The following BICDL2 variants were observed in gnomAD, a reference collection of about 807,000 sequenced individuals.
BICDL2 encodes BICD family like cargo adaptor 2.
A neutral mutation model predicts 56.6 loss-of-function variants in BICDL2; 62 were observed. The observed-to-expected ratio is 1.10, with a 90% CI of 0.89 to 1.35. The LOEUF is 1.35. Ranked by LOEUF, BICDL2 falls within the 40% of genes most tolerant of loss-of-function variation. BICDL2 has a pLI of 0.00. For missense variants in BICDL2, 808 were observed against 684.5 expected (o/e 1.18, Z -2.01); for synonymous variants, 358 against 319.8 (o/e 1.12, Z -1.27).
rs946677910 is a variant in BICDL2 at position 3,035,521 on chromosome 16, A to C, written c.-25T>G. ...TGTCACCTGCAGCATCTGCGGGGACAGGTGGCTGCGGGACACTCTACTCTG... is the reference window on the plus strand; with the variant it reads ...TGTCACCTGCAGCATCTGCGGGGACCGGTGGCTGCGGGACACTCTACTCTG... On this transcript the variant is annotated 5_prime_UTR_variant, in exon 2 of 10. Coordinates refer to ENST00000572449, the MANE Select transcript of BICDL2 (RefSeq NM_001369667.1). 6.3e-7 allele frequency: 1 copy of C among 1,591,886 alleles called. No homozygotes were observed. Among genetic ancestry groups the C allele is most frequent in the Non-Finnish European group, 8.5e-7 (1 of 1,170,370 alleles).
Position 3,028,762 on chromosome 16 carries a change from C to A in BICDL2, c.1176G>T (p.Ala392=). 1 of 1,560,304 alleles carries A rather than the reference C, an allele frequency of 6.4e-7. No individual in the cohort carries two copies. Among genetic ancestry groups the A allele is most frequent in the Non-Finnish European group, 8.7e-7 (1 of 1,152,406 alleles). ...EELQRQKELR[A]QEDPGEALHS... ...GCAGGGCCTCCCCAGGGTCTTCCTG[C>A]GCCCGCAGCTCCTTCTGCCTCTGCA... The change falls in exon 8 of 10, where the codon GCG becomes GCT. Residue 392 remains alanine (A), a synonymous_variant. Transcript: ENST00000572449.
chr16:3,029,515 G>T (rs564100878), intron 6 of BICDL2, 30 bp downstream of exon 6: 1 of 1,564,856 alleles, frequency 6.4e-7, no homozygotes, highest in African/African-American at 1.3e-5. Context: ...CGATGGCACA[G>T]GTAAGGGGGC....
chr16:3,029,883 C>T lies in BICDL2; in HGVS notation c.763-144G>A. 6.0e-6 allele frequency: 4 copies of T among 668,270 alleles called. No homozygotes were observed. In the East Asian group the frequency reaches 9.4e-5, roughly 16 times the overall value. The allele number at this position is 668,270 out of a possible 1,614,324, so 41.4% of individuals were successfully genotyped here. A position where few individuals can be genotyped will look rare whatever the true frequency, so the allele number is the denominator to read the frequency against. ...CTGTTCCCGTTCCTGGATCGCTGGG[C>T]GCCTTGGGCCGTGCACCTCCCTCAG... On this transcript the variant is annotated intron_variant, in intron 5 of 9. Coordinates refer to ENST00000572449, the MANE Select transcript of BICDL2 (RefSeq NM_001369667.1).
At chr16:3,032,279 G>A (rs1420434918) in intron 2 of BICDL2, 2 of 152,292 alleles carry the variant, frequency 1.3e-5, no homozygotes, top group Non-Finnish European at 2.9e-5. Flanking sequence ...TCAGGCAGCA[G>A]AACTCTTAAC....
At chr16:3,028,300 G>GCCGGT in intron 9 of BICDL2, 27 bp from the exon 10 acceptor site, 3 of 1,525,300 alleles carry the variant, frequency 2.0e-6, no homozygotes, top group Non-Finnish European at 2.6e-6. Context: ...TCGGCTCAGC[G>GCCGGT]CCGGTCCCGC....
chr16:3,028,593 GC>G, intron 8 of BICDL2, 106 bp downstream of exon 8: 1 of 1,512,110 alleles, frequency 6.6e-7, no homozygotes, highest in African/African-American at 1.5e-5. Context: ...AGGTCAGGGG[GC>G]CCCTGGGTGG....
Position 3,028,655 on chromosome 16 carries a change from G to A in BICDL2, c.1238+45C>T, listed in dbSNP as rs940649943. 5 of 1,548,868 alleles carry A rather than the reference G, an allele frequency of 3.2e-6. No individual in the cohort carries two copies. The Admixed American group carries it at 6.0e-5, about 19-fold the overall frequency. On this transcript the variant is annotated intron_variant, in intron 8 of 9. Coordinates refer to ENST00000572449, the MANE Select transcript of BICDL2 (RefSeq NM_001369667.1). ...CAGAAGAGGAATCAGGAGCCCAGGAGGGCCCAGAGGGCGCTGGGGCGGTGG... is the reference window on the plus strand; with the variant it reads ...CAGAAGAGGAATCAGGAGCCCAGGAAGGCCCAGAGGGCGCTGGGGCGGTGG...
intron 1 of BICDL2, chr16:3,036,590 G>C (rs1955735982): frequency 2.2e-6 from 1 of 451,474 alleles, no homozygotes; most frequent in African/African-American, 2.0e-5. Flanking sequence ...TCCCTGACTT[G>C]GCCCTCGCGG....
intron 5 of BICDL2, 129 bp from the exon 6 acceptor site, chr16:3,029,868 T>G: frequency 1.3e-6 from 1 of 782,534 alleles, no homozygotes; most frequent in South Asian, 1.9e-5. Flanking sequence ...CTGTTCCCGT[T>G]CCTGGATCGC....
chr16:3,033,360 G>C (rs1402882503), intron 2 of BICDL2, among the ~76,000 whole-genome samples: 1 of 152,186 alleles, frequency 6.6e-6, no homozygotes. Context: ...GGTGGCTGGA[G>C]TGTCTGTGGC....
Position 3,030,470 on chromosome 16 carries a change from C to T in BICDL2, c.741G>A (p.Glu247=), listed in dbSNP as rs1230375325. ...THEELLLLRR[E]RREHSLELER... ...TCACCTCCAGGCTGTGCTCCCGCCG[C>T]TCCCGCCTCAGCAGCAGCAACTCCT... is the stretch of plus-strand genomic sequence containing the variant. Residue 247 remains glutamate, a synonymous_variant, in exon 5 of 10, where the codon GAG becomes GAA. Coordinates refer to ENST00000572449, the MANE Select transcript of BICDL2 (RefSeq NM_001369667.1). The T allele has an allele frequency of 6.2e-7, 1 of 1,602,900 alleles. No individual in the cohort carries two copies. The highest frequency in any genetic ancestry group is 8.5e-7 in the Non-Finnish European group (1 of 1,179,214).
intron 2 of BICDL2, among the ~76,000 whole-genome samples, chr16:3,033,832 A>G (rs1428663492): frequency 6.6e-6 from 1 of 152,096 alleles, no homozygotes; most frequent in East Asian, 1.9e-4. Flanking sequence ...GGAGGTGCAC[A>G]GGCTCTGGTC....
In BICDL2 at chr16:3,028,432, C is replaced by A; in HGVS notation, c.1275G>T (p.Ser425=). ...LELSLQLNRV[S]LERDSLSREL... ...CCCGAGACAGGGAGTCTCGCTCCAGCGAGACGCGGTTGAGCTGCAGGGACA... is the reference window on the plus strand; with the variant it reads ...CCCGAGACAGGGAGTCTCGCTCCAGAGAGACGCGGTTGAGCTGCAGGGACA... The change falls in exon 9 of 10, where the codon TCG becomes TCT. Residue 425 remains serine (S), a synonymous_variant. Coordinates refer to ENST00000572449, the MANE Select transcript of BICDL2 (RefSeq NM_001369667.1). 6.4e-7 allele frequency: 1 copy of A among 1,562,178 alleles called. No homozygotes were observed. The highest frequency in any genetic ancestry group is 1.2e-5 in the South Asian group (1 of 86,710).
In BICDL2 at chr16:3,028,325, C is replaced by T. The variant is rs377214543; in HGVS notation, c.1359+23G>A. 713 of 1,542,714 alleles carry T rather than the reference C, an allele frequency of 4.6e-4. 7 individuals are homozygous for T. The highest frequency in any genetic ancestry group is 1.4e-3 in the African/African-American group (105 of 72,854). Reference sequence around the variant, plus strand: ...GCCGGTCCCGCCCCTTGCCCCGCCCCGCACACGGGCCCCGCCCCTCACCTG... The same window carrying T: ...GCCGGTCCCGCCCCTTGCCCCGCCCTGCACACGGGCCCCGCCCCTCACCTG... On this transcript the variant is annotated intron_variant, in intron 9 of 9. Coordinates refer to ENST00000572449, the MANE Select transcript of BICDL2 (RefSeq NM_001369667.1).
intron 1 of BICDL2, 133 bp downstream of exon 1, chr16:3,036,761 G>A (rs978440041): frequency 5.2e-5 from 19 of 367,412 alleles, no homozygotes; most frequent in Non-Finnish European, 8.4e-5. Context: ...GTTCCTGCCG[G>A]CGCCCCCGGT....
Position 3,030,527 on chromosome 16 carries a change from C to T in BICDL2, c.684G>A (p.Glu228=), listed in dbSNP as rs1484323239. ...TGGTCTGCAGTCTGCCCTCACCCTT[C>T]TCCACCTCCTCACGCAGGCCTCGGA... The part of the protein sequence containing the change: ...AQIRGLREEV[E]KGEGRLQTTH... The change falls in exon 5 of 10, where the codon GAG becomes GAA. Residue 228 remains glutamate, a synonymous_variant. Coordinates refer to ENST00000572449, the MANE Select transcript of BICDL2 (RefSeq NM_001369667.1). The T allele has an allele frequency of 4.4e-6, 7 of 1,602,280 alleles. No individual in the cohort carries two copies. The highest frequency in any genetic ancestry group is 5.9e-6 in the Non-Finnish European group (7 of 1,178,550).
At chr16:3,029,521 G>C in intron 6 of BICDL2, 24 bp downstream of exon 6, 12 of 1,560,212 alleles carry the variant, frequency 7.7e-6, no homozygotes, top group African/African-American at 1.4e-5. Flanking sequence ...CACAGGTAAG[G>C]GGGCTGGGGC....
At chr16:3,032,696 G>C (rs905646698) in intron 2 of BICDL2, 4 of 152,220 alleles carry the variant, frequency 2.6e-5, no homozygotes, top group African/African-American at 7.2e-5. Context: ...CAGAAAGAAG[G>C]CTAGGCATTA....
At chr16:3,029,876 C>T in intron 5 of BICDL2, 137 bp from the exon 6 acceptor site, 1 of 714,370 alleles carries the variant, frequency 1.4e-6, no homozygotes, top group Non-Finnish European at 2.2e-6. Flanking sequence ...GTTCCTGGAT[C>T]GCTGGGCGCC....
Sources: allele counts gnomAD v4.1 joint callset (sites outside exome capture counted in the v4.1 genomes callset), GRCh38; gene constraint gnomAD v4.1.1; transcripts MANE v1.5; gene names NCBI Gene and HGNC (gene_info 2026-07-23, HGNC 2026-07-21).